The following BCAS1 variants were observed in gnomAD, a reference collection of about 807,000 sequenced individuals.
The protein encoded by BCAS1 is breast carcinoma-amplified sequence 1.
Under a neutral mutation model 65.4 loss-of-function variants are expected in BCAS1, and 46 were observed. The observed-to-expected ratio is 0.70, with a 90% CI of 0.55 to 0.90. The LOEUF (loss-of-function observed/expected upper bound fraction) is 0.90. Ranked by LOEUF, BCAS1 falls within the 40% of genes least tolerant of loss-of-function variation. The probability of loss-of-function intolerance (pLI) is 0.00; values close to 1 mark genes in which losing one functional copy is unlikely to be tolerated. For synonymous variants in BCAS1, 298 were observed against 293.5 expected (o/e 1.02, Z -0.16); for missense variants, 793 against 771.2 (o/e 1.03, Z -0.33).
In BCAS1 at chr20:53,992,621, T is replaced by C; in HGVS notation, c.953A>G (p.Asp318Gly). ...DTASKAESVC[D>G]GQAGQKTSEI... ...GGATGTCTTCTGACCAGCTTGTCCA[T>C]CACAGACACTTTCTGCTTTCGATGC... is the stretch of plus-strand genomic sequence containing the variant. Residue 318 changes from aspartate (D) to glycine (G), a missense_variant, in exon 7 of 13, where the codon GAT becomes GGT. Coordinates refer to ENST00000688948, the MANE Select transcript of BCAS1 (RefSeq NM_001366298.2). The C allele has an allele frequency of 7.3e-7, 1 of 1,366,086 alleles. No individual in the cohort carries two copies. Among genetic ancestry groups the C allele is most frequent in the African/African-American group, 1.5e-5 (1 of 67,728 alleles). 84.6% of individuals were successfully genotyped at this position (1,366,086 alleles called of 1,614,324 possible). A position where few individuals can be genotyped will look rare whatever the true frequency, so the allele number is the denominator to read the frequency against.
intron 4 of BCAS1, among the ~76,000 whole-genome samples, chr20:54,013,143 A>C (rs946285694): frequency 1.1e-4 from 16 of 152,246 alleles, no homozygotes; most frequent in African/African-American, 3.9e-4. Flanking sequence ...TAAAATTCCA[A>C]AGACATATAG....
At chr20:54,058,588 A>AATTT in intron 2 of BCAS1, 59 bp downstream of exon 2, 1 of 1,510,658 alleles carries the variant, frequency 6.6e-7, no homozygotes, top group Non-Finnish European at 8.8e-7. Context: ...CAAATACAGG[A>AATTT]AGTTCTTTTT....
chr20:54,008,534 T>G (rs2091251699), intron 4 of BCAS1, among the ~76,000 whole-genome samples: 1 of 152,134 alleles, frequency 6.6e-6, no homozygotes, highest in African/African-American at 2.4e-5. Context: ...CCCCCAACAA[T>G]GGAGGCTGGT....
chr20:53,995,119 T>C (rs1221957193), intron 5 of BCAS1, 63 bp from the exon 6 acceptor site: 12 of 1,420,050 alleles, frequency 8.5e-6, no homozygotes, highest in Non-Finnish European at 1.2e-5. Flanking sequence ...TTTTATTTCA[T>C]AGATAAATAA....
intron 11 of BCAS1, among the ~76,000 whole-genome samples, chr20:53,956,923 C>A (rs764034878): frequency 6.6e-6 from 1 of 152,142 alleles, no homozygotes; most frequent in South Asian, 2.1e-4. Context: ...TGTGACCCCC[C>A]GACTCCATGT....
intron 7 of BCAS1, among the ~76,000 whole-genome samples, chr20:53,990,160 T>A (rs1036621424): frequency 6.6e-6 from 1 of 152,208 alleles, no homozygotes; most frequent in Non-Finnish European, 1.5e-5. Context: ...TTATAAATCA[T>A]GCATGCTGCT....
intron 3 of BCAS1, among the ~76,000 whole-genome samples, chr20:54,033,712 A>G (rs1203497650): frequency 6.6e-6 from 1 of 151,258 alleles, no homozygotes; most frequent in Admixed American, 6.6e-5. Flanking sequence ...GGTAAGTTCT[A>G]CCAGTTGTAC....
chr20:54,044,133 G>A lies in BCAS1; in HGVS notation c.142+13952C>T, dbSNP rs544731814. 5.9e-5 allele frequency among the ~76,000 whole-genome samples: 9 copies of A among 152,310 alleles called. No individual in the cohort carries two copies. In the South Asian group the frequency reaches 1.2e-3, roughly 21 times the overall value. ...TGTCCACTCTAGGATTAGAATTGTA[G>A]GTGTGTTTATTCTATTTCAAGATCT... On this transcript the variant is annotated intron_variant, in intron 3 of 12. Transcript: ENST00000688948.
At chr20:53,985,262 T>G (rs756374662) in intron 8 of BCAS1, 25 bp downstream of exon 8, 1 of 1,607,694 alleles carries the variant, frequency 6.2e-7, no homozygotes. Flanking sequence ...CGGACGACTC[T>G]CTAACGCTTG....
At chr20:53,975,458 A>T (rs752964364) in intron 8 of BCAS1, 28 bp from the exon 9 acceptor site, 1 of 1,605,292 alleles carries the variant, frequency 6.2e-7, no homozygotes, top group Non-Finnish European at 8.5e-7. Context: ...CAAAAGTGAG[A>T]GTTAAAAGGT....
intron 11 of BCAS1, among the ~76,000 whole-genome samples, chr20:53,955,484 G>A (rs532907819): frequency 6.6e-6 from 1 of 152,306 alleles, no homozygotes; most frequent in East Asian, 1.9e-4. Flanking sequence ...CAGTTCAAAT[G>A]CCTTGTTAAC....
chr20:54,012,712 G>A (rs996725647), intron 4 of BCAS1, among the ~76,000 whole-genome samples: 1 of 152,204 alleles, frequency 6.6e-6, no homozygotes, highest in Non-Finnish European at 1.5e-5. Flanking sequence ...GTCAGGCCCA[G>A]TGCTAAGCTT....
At chr20:53,997,792 G>A (rs1227534540) in intron 4 of BCAS1, among the ~76,000 whole-genome samples, 1 of 152,166 alleles carries the variant, frequency 6.6e-6, no homozygotes, top group African/African-American at 2.4e-5. Context: ...GTTGGTGCAT[G>A]TGGTTGTGGC....
intron 7 of BCAS1, 118 bp from the exon 8 acceptor site, chr20:53,985,617 T>C: frequency 1.1e-6 from 1 of 910,090 alleles, no homozygotes; most frequent in Non-Finnish European, 1.6e-6. Context: ...ATTTTCTTCT[T>C]TATATTTTTC....
chr20:53,944,794 T>C lies in BCAS1; in HGVS notation c.*128A>G. On this transcript the variant is annotated 3_prime_UTR_variant, in exon 13 of 13. Coordinates refer to ENST00000688948, the MANE Select transcript of BCAS1 (RefSeq NM_001366298.2). ...TCAATATACAACAGCTCGGGCTTAA[T>C]TTCTAGGCAGAATTTCATTTGCTGG... 1.1e-6 allele frequency: 1 copy of C among 928,546 alleles called. No individual in the cohort carries two copies. Among genetic ancestry groups the C allele is most frequent in the Non-Finnish European group, 1.8e-6 (1 of 564,328 alleles). 57.5% of individuals were successfully genotyped at this position (928,546 alleles called of 1,614,324 possible).
At chr20:53,949,418 G>C (rs1326111739) in intron 12 of BCAS1, among the ~76,000 whole-genome samples, 1 of 152,220 alleles carries the variant, frequency 6.6e-6, no homozygotes, top group Non-Finnish European at 1.5e-5. Flanking sequence ...AAAAGGACCT[G>C]ACTAACGAGG....
intron 3 of BCAS1, among the ~76,000 whole-genome samples, chr20:54,032,351 A>G (rs540274779): frequency 5.3e-5 from 8 of 151,278 alleles, no homozygotes; most frequent in Non-Finnish European, 1.2e-4. Context: ...TGGAAAGACC[A>G]TTACCAGACA....
At chr20:54,066,077 C>CTT (rs11372357) in intron 1 of BCAS1, among the ~76,000 whole-genome samples, 9 of 116,572 alleles carry the variant, frequency 7.7e-5, no homozygotes, top group Admixed American at 1.6e-4. Flanking sequence ...TATTTTTTTT[C>CTT]TTTTTTTTTT....
intron 1 of BCAS1, among the ~76,000 whole-genome samples, chr20:54,058,981 G>T (rs760321968): frequency 6.6e-6 from 1 of 152,124 alleles, no homozygotes; most frequent in Non-Finnish European, 1.5e-5. Flanking sequence ...TTACAATCGT[G>T]GCAGAAGACA....
Sources: allele counts gnomAD v4.1 joint callset (sites outside exome capture counted in the v4.1 genomes callset), GRCh38; gene constraint gnomAD v4.1.1; transcripts MANE v1.5; gene names NCBI Gene and HGNC (gene_info 2026-07-23, HGNC 2026-07-21).